The following ZNF385D variants were observed in gnomAD, a reference collection of about 807,000 sequenced individuals.
ZNF385D encodes the protein zinc finger protein 659.
In ZNF385D, 15 loss-of-function variants were observed where a neutral mutation model predicts 35.8. That is an observed-to-expected ratio of 0.42 (90% CI 0.28 to 0.64). The LOEUF (loss-of-function observed/expected upper bound fraction) is 0.64. Among genes scored for constraint, ZNF385D ranks in the 30% least tolerant of loss-of-function variants. The pLI is 0.23. For synonymous variants in ZNF385D, 212 were observed against 186.8 expected (o/e 1.13, Z -1.10); for missense variants, 474 against 494.6 (o/e 0.96, Z 0.39).
At chr3:21,629,160 T>C (rs1256142534) in intron 2 of ZNF385D, among the ~76,000 whole-genome samples, 1 of 152,100 alleles carries the variant, frequency 6.6e-6, no homozygotes, top group Admixed American at 6.6e-5. Flanking sequence ...GTCTGACATT[T>C]TGGGGAGGTG....
At chr3:21,488,409 G>A (rs569535966) in intron 4 of ZNF385D, among the ~76,000 whole-genome samples, 1 of 151,774 alleles carries the variant, frequency 6.6e-6, no homozygotes, top group South Asian at 2.1e-4. Context: ...ACACCACAGA[G>A]ATTCTAAATA....
intron 3 of ZNF385D, among the ~76,000 whole-genome samples, chr3:21,961,012 G>A (rs945243303): frequency 6.6e-6 from 1 of 151,996 alleles, no homozygotes; most frequent in Non-Finnish European, 1.5e-5. Flanking sequence ...GGTGCTATAG[G>A]TTGATATGGT....
intron 2 of ZNF385D, among the ~76,000 whole-genome samples, chr3:22,264,394 A>G (rs1235732846): frequency 6.6e-6 from 1 of 152,044 alleles, no homozygotes; most frequent in African/African-American, 2.4e-5. Flanking sequence ...CTAAAAGCCA[A>G]GACAATTGAT....
chr3:21,726,944 G>C (rs144567446), intron 1 of ZNF385D, among the ~76,000 whole-genome samples: 1 of 151,982 alleles, frequency 6.6e-6, no homozygotes, highest in Admixed American at 6.6e-5. Context: ...GTAGTAACCA[G>C]AACAGCATAG....
At chr3:21,870,486 A>G (rs1697629417) in intron 3 of ZNF385D, among the ~76,000 whole-genome samples, 1 of 152,190 alleles carries the variant, frequency 6.6e-6, no homozygotes, top group South Asian at 2.1e-4. Flanking sequence ...TTCAACATGT[A>G]CGTAAACGTG....
At chr3:22,361,487 A>G (rs528119187) in intron 2 of ZNF385D, among the ~76,000 whole-genome samples, 1 of 152,094 alleles carries the variant, frequency 6.6e-6, no homozygotes, top group Non-Finnish European at 1.5e-5. Flanking sequence ...GGTTATCTTC[A>G]CATCAAATCT....
rs147596404 is a variant in ZNF385D at position 21,964,863 on chromosome 3, T to A, written c.325+203954A>T. On this transcript the variant is annotated intron_variant, in intron 3 of 5. Coordinates refer to the ZNF385D transcript ENST00000494108. ...AAGGTAATAATTTCTATTCTTATTATAAATATATTTGTAGACAAATGATAT... is the reference window on the plus strand; with the variant it reads ...AAGGTAATAATTTCTATTCTTATTAAAAATATATTTGTAGACAAATGATAT... Among the ~76,000 whole-genome samples, 1,421 of 152,276 alleles carry A rather than the reference T, an allele frequency of 9.3e-3. 28 individuals carry two copies. Among genetic ancestry groups the A allele is most frequent in the African/African-American group, 0.031 (1,301 of 41,542 alleles).
chr3:22,320,410 T>C (rs1217106177), intron 2 of ZNF385D, among the ~76,000 whole-genome samples: 2 of 152,126 alleles, frequency 1.3e-5, no homozygotes, highest in East Asian at 3.9e-4. Context: ...CCATTGCTTA[T>C]TTCCTTGTTT....
intron 2 of ZNF385D, among the ~76,000 whole-genome samples, chr3:22,331,607 G>A (rs1301934286): frequency 2.0e-5 from 3 of 152,036 alleles, no homozygotes; most frequent in African/African-American, 7.2e-5. Flanking sequence ...AATAGAAGAT[G>A]GCCTAAGCAA....
intron 2 of ZNF385D, among the ~76,000 whole-genome samples, chr3:22,293,510 AC>A: frequency 6.6e-6 from 1 of 152,230 alleles, no homozygotes; most frequent in South Asian, 2.1e-4. Flanking sequence ...TACTCTCCTT[AC>A]AAGCTAATTA....
At chr3:22,037,671 T>C (rs1305685271) in intron 3 of ZNF385D, among the ~76,000 whole-genome samples, 2 of 152,300 alleles carry the variant, frequency 1.3e-5, no homozygotes, top group East Asian at 3.9e-4. Context: ...CTGTTCACTC[T>C]GATGGTAGTT....
Position 21,824,161 on chromosome 3 carries a change from A to G in ZNF385D, c.326-159133T>C, listed in dbSNP as rs373790978. ...AACATGACTTCTTTCAAAATTCATT[A>G]TATCATAGTAGAGTGCACCACTGGA... On this transcript the variant is annotated intron_variant, in intron 3 of 5. Transcript: ENST00000494108. Among the ~76,000 whole-genome samples, 42 of 152,330 alleles carry G rather than the reference A, an allele frequency of 2.8e-4. No individual in the cohort carries two copies. In the South Asian group the frequency reaches 6.4e-3, roughly 23 times the overall value.
At chr3:21,543,743 TC>T (rs1484787750) in intron 3 of ZNF385D, among the ~76,000 whole-genome samples, 2 of 152,232 alleles carry the variant, frequency 1.3e-5, no homozygotes, top group Admixed American at 6.5e-5. Flanking sequence ...TTTCTTTTTT[TC>T]TTTCTTTCTA....
intron 2 of ZNF385D, among the ~76,000 whole-genome samples, chr3:22,324,418 C>T (rs1270548808): frequency 1.3e-5 from 2 of 152,100 alleles, no homozygotes; most frequent in African/African-American, 4.8e-5. Flanking sequence ...AACTCAATCA[C>T]TCTTCTATAT....
intron 2 of ZNF385D, among the ~76,000 whole-genome samples, chr3:22,354,524 T>C (rs996056252): frequency 6.6e-6 from 1 of 152,110 alleles, no homozygotes; most frequent in Non-Finnish European, 1.5e-5. Context: ...TAGATTGTAT[T>C]CATTTAAATT....
chr3:22,067,159 T>C (rs919300104), intron 3 of ZNF385D, among the ~76,000 whole-genome samples: 8 of 152,096 alleles, frequency 5.3e-5, no homozygotes, highest in African/African-American at 1.9e-4. Flanking sequence ...GAAAGATTGC[T>C]TGTGTCTCTG....
intron 3 of ZNF385D, among the ~76,000 whole-genome samples, chr3:21,805,758 G>T (rs1346571789): frequency 2.0e-5 from 3 of 152,188 alleles, no homozygotes; most frequent in African/African-American, 7.2e-5. Context: ...TGTCCATCAA[G>T]TAGAGATGCT....
chr3:21,758,489 T>G (rs2070447823), intron 3 of ZNF385D, among the ~76,000 whole-genome samples: 2 of 152,090 alleles, frequency 1.3e-5, no homozygotes, highest in Admixed American at 1.3e-4. Context: ...AGAGGGCCAG[T>G]CAACCATCAG....
chr3:22,000,631 G>A (rs943154249), intron 3 of ZNF385D, among the ~76,000 whole-genome samples: 1 of 151,842 alleles, frequency 6.6e-6, no homozygotes, highest in African/African-American at 2.4e-5. Context: ...GACAAAGAGA[G>A]AATTCTAGAA....
Sources: gnomAD v4.1 joint callset for allele counts (sites outside exome capture counted in the v4.1 genomes callset) on GRCh38, gnomAD v4.1.1 for gene constraint, MANE v1.5 for transcripts, NCBI Gene and HGNC (gene_info 2026-07-23, HGNC 2026-07-21) for gene names.